UGT1A8: variants seen among roughly 807,000 people sequenced by gnomAD.
UGT1A8 encodes UDP-glucuronosyltransferase 1A8.
Under a neutral mutation model 45.3 loss-of-function variants are expected in UGT1A8, and 39 were observed. The observed-to-expected ratio is 0.86, with a 90% CI of 0.67 to 1.12. The LOEUF is 1.12. Among genes scored for constraint, UGT1A8 ranks in the 50% most tolerant of loss-of-function variants. The probability of loss-of-function intolerance (pLI) is 0.00; values close to 1 mark genes in which losing one functional copy is unlikely to be tolerated. For synonymous variants in UGT1A8, 275 were observed against 249.2 expected (o/e 1.10, Z -0.97); for missense variants, 719 against 664.9 (o/e 1.08, Z -0.90).
chr2:233,633,893 G>T (rs942042790), intron 1 of UGT1A8, among the ~76,000 whole-genome samples: 30 of 152,056 alleles, frequency 2.0e-4, no homozygotes, highest in Non-Finnish European at 1.2e-4. Context: ...TCTTTTAATT[G>T]TGATGTTATG....
chr2:233,734,943 C>G (rs2078589604), intron 1 of UGT1A8, among the ~76,000 whole-genome samples: 1 of 152,150 alleles, frequency 6.6e-6, no homozygotes, highest in Non-Finnish European at 1.5e-5. Flanking sequence ...ATCATATGGT[C>G]AGTTTTAGAA....
intron 1 of UGT1A8, among the ~76,000 whole-genome samples, chr2:233,629,365 A>G (rs185892444): frequency 9.2e-5 from 14 of 152,062 alleles, no homozygotes; most frequent in Admixed American, 6.6e-4. Context: ...GGTTGTTTCC[A>G]CTTCTTGTCT....
chr2:233,649,509 T>A (rs921162138), intron 1 of UGT1A8, among the ~76,000 whole-genome samples: 1 of 152,238 alleles, frequency 6.6e-6, no homozygotes, highest in Admixed American at 6.5e-5. Context: ...TAAGCATATA[T>A]GTAAATATTT....
At chr2:233,626,921 G>A (rs75453356) in intron 1 of UGT1A8, among the ~76,000 whole-genome samples, 28 of 152,154 alleles carry the variant, frequency 1.8e-4, no homozygotes, top group Admixed American at 5.9e-4. Flanking sequence ...GGGACAAAGC[G>A]TTGATGGAAC....
intron 1 of UGT1A8, among the ~76,000 whole-genome samples, chr2:233,698,291 T>A (rs1387346717): frequency 6.6e-6 from 1 of 152,168 alleles, no homozygotes; most frequent in East Asian, 1.9e-4. Flanking sequence ...TGAAAAAAAA[T>A]GTGTCTTTGG....
At chr2:233,678,458 G>A (rs2074417678) in intron 1 of UGT1A8, among the ~76,000 whole-genome samples, 1 of 152,150 alleles carries the variant, frequency 6.6e-6, no homozygotes, top group African/African-American at 2.4e-5. Flanking sequence ...AGGTGGAAGT[G>A]GAGGCAGGAG....
intron 4 of UGT1A8, 33 bp downstream of exon 4, chr2:233,768,472 C>A: frequency 6.3e-7 from 1 of 1,596,838 alleles, no homozygotes; most frequent in South Asian, 1.1e-5. Flanking sequence ...ATACTTTGGT[C>A]ATGGCATTCA....
intron 1 of UGT1A8, among the ~76,000 whole-genome samples, chr2:233,638,737 C>T (rs1188649158): frequency 1.3e-5 from 2 of 152,140 alleles, no homozygotes; most frequent in Admixed American, 6.5e-5. Flanking sequence ...GACTTTGTAA[C>T]ACAGTTATAT....
intron 1 of UGT1A8, among the ~76,000 whole-genome samples, chr2:233,620,329 CT>C (rs2072978032): frequency 6.6e-6 from 1 of 152,148 alleles, no homozygotes; most frequent in South Asian, 2.1e-4. Context: ...CCTCATTATC[CT>C]CCATTAATTA....
chr2:233,689,970 C>T, intron 1 of UGT1A8: 2 of 455,400 alleles, frequency 4.4e-6, no homozygotes, highest in South Asian at 1.6e-5. Context: ...TTGGAGGAAC[C>T]CACAGGCCCC....
chr2:233,633,102 T>C (rs1192374596), intron 1 of UGT1A8, among the ~76,000 whole-genome samples: 2 of 152,218 alleles, frequency 1.3e-5, no homozygotes, highest in Admixed American at 1.3e-4. Flanking sequence ...GTTTATGTGA[T>C]GGATTATGTT....
intron 1 of UGT1A8, chr2:233,690,380 C>G (rs188057547): frequency 1.0e-6 from 1 of 988,434 alleles, no homozygotes; most frequent in Admixed American, 2.7e-5. Flanking sequence ...ATAGGGTCCA[C>G]GTTTCCAGAC....
chr2:233,658,297 G>A (rs935597312), intron 1 of UGT1A8, among the ~76,000 whole-genome samples: 6 of 152,158 alleles, frequency 3.9e-5, no homozygotes, highest in Admixed American at 3.3e-4. Context: ...GGGATTACAG[G>A]TGTGAGCAAT....
In UGT1A8 at chr2:233,769,851, C is replaced by A; in HGVS notation, c.1295+1412C>A. On this transcript the variant is annotated intron_variant, in intron 4 of 4. Coordinates refer to ENST00000373450, the MANE Select transcript of UGT1A8 (RefSeq NM_019076.5). The surrounding 1 kb of genome is among the most constrained non-coding windows in gnomAD (Gnocchi z 4.4). ...GCAACCTGGGCAACAGAGTGAGACC[C>A]TGTCTCAAAAAAAAAAAAAAAAATG... The A allele has an allele frequency of 2.1e-6, 1 of 479,202 alleles. No homozygotes were observed. Among genetic ancestry groups the A allele is most frequent in the Non-Finnish European group, 3.3e-6 (1 of 301,676 alleles). The allele number at this position is 479,202 out of a possible 1,614,324, so 29.7% of individuals were successfully genotyped here. A position where few individuals can be genotyped will look rare whatever the true frequency, so the allele number is the denominator to read the frequency against.
chr2:233,728,050 G>T (rs2077677324), intron 1 of UGT1A8, among the ~76,000 whole-genome samples: 1 of 152,214 alleles, frequency 6.6e-6, no homozygotes, highest in Non-Finnish European at 1.5e-5. Context: ...GCCTCATTGG[G>T]CTTGAGGCCC....
intron 1 of UGT1A8, chr2:233,742,007 T>G (rs1248075328): frequency 3.3e-5 from 5 of 151,958 alleles, no homozygotes; most frequent in Admixed American, 3.3e-4. Flanking sequence ...TACACTTGGC[T>G]TTCATCAACC....
intron 1 of UGT1A8, chr2:233,729,272 G>C: frequency 6.2e-7 from 1 of 1,614,200 alleles, no homozygotes; most frequent in South Asian, 1.1e-5. Flanking sequence ...GAGGTCTTGC[G>C]GGAGCTCCAT....
At chr2:233,721,989 A>C (rs2076985463) in intron 1 of UGT1A8, 1 of 271,622 alleles carries the variant, frequency 3.7e-6, no homozygotes, top group Non-Finnish European at 7.4e-6. Context: ...TAGTTTCACG[A>C]ATGTCCTTTA....
intron 1 of UGT1A8, among the ~76,000 whole-genome samples, chr2:233,620,301 G>T (rs190771060): frequency 6.6e-6 from 1 of 152,298 alleles, no homozygotes; most frequent in East Asian, 1.9e-4. Flanking sequence ...GAGGTTGGAC[G>T]TATCAAAGCA....
Sources: gnomAD v4.1 joint callset for allele counts (sites outside exome capture counted in the v4.1 genomes callset) on GRCh38, gnomAD v4.1.1 for gene constraint, Gnocchi (gnomAD v3.1) non-coding constraint, MANE v1.5 for transcripts, NCBI Gene and HGNC (gene_info 2026-07-23, HGNC 2026-07-21) for gene names.